The following C12orf50 variants were observed in gnomAD, a reference collection of about 807,000 sequenced individuals.
C12orf50 encodes uncharacterized protein C12orf50.
Under a neutral mutation model 61.6 loss-of-function variants are expected in C12orf50, and 35 were observed. The observed-to-expected ratio is 0.57, with a 90% CI of 0.43 to 0.75. The LOEUF (loss-of-function observed/expected upper bound fraction) is 0.75, where lower values mean the gene tolerates loss of function less well. Ranked by LOEUF, C12orf50 falls within the 30% of genes least tolerant of loss-of-function variation. The pLI, the probability that C12orf50 is intolerant of heterozygous loss-of-function variation, is 0.00. For missense variants in C12orf50, 475 were observed against 488.5 expected (o/e 0.97, Z 0.26); for synonymous variants, 178 against 161.5 (o/e 1.10, Z -0.77).
intron 3 of C12orf50, among the ~76,000 whole-genome samples, chr12:88,017,413 A>T (rs112104106): frequency 1.3e-5 from 2 of 152,182 alleles, no homozygotes; most frequent in African/African-American, 4.8e-5. Context: ...GTGGAACTGT[A>T]AGTCCATTAA....
chr12:87,998,191 C>T lies in C12orf50; in HGVS notation c.134-1G>A. 1 of 1,609,710 alleles carries T rather than the reference C, an allele frequency of 6.2e-7. No individual in the cohort carries two copies. The highest frequency in any genetic ancestry group is 1.7e-4 in the Middle Eastern group (1 of 6,040). ...TGAATTTCTTTCTGTAGTGTGATATCTGCAGAGAAAATGCAACATTTCAGT... is the reference window on the plus strand; with the variant it reads ...TGAATTTCTTTCTGTAGTGTGATATTTGCAGAGAAAATGCAACATTTCAGT... On this transcript the variant is annotated splice_acceptor_variant, in intron 3 of 12. Transcript: ENST00000298699. LOFTEE classifies it high-confidence loss of function.
chr12:87,996,660 A>AT lies in C12orf50; in HGVS notation c.290-15dup. Reference sequence around the variant, plus strand: ...AACTAGAAGCATCTATAGGATATAGATTTTTTAAATTAAATTGTCCCAAAG... The same window carrying AT: ...AACTAGAAGCATCTATAGGATATAGATTTTTTTAAATTAAATTGTCCCAAAG... On this transcript the variant is annotated splice_polypyrimidine_tract_variant and intron_variant, in intron 4 of 12. Coordinates refer to ENST00000298699, the MANE Select transcript of C12orf50 (RefSeq NM_152589.3). 2 of 1,566,658 alleles carry AT rather than the reference A, an allele frequency of 1.3e-6. No homozygotes were observed. The highest frequency in any genetic ancestry group is 1.7e-6 in the Non-Finnish European group (2 of 1,149,000).
chr12:88,014,358 G>A (rs1244412400), intron 3 of C12orf50, among the ~76,000 whole-genome samples: 1 of 152,046 alleles, frequency 6.6e-6, no homozygotes, highest in Non-Finnish European at 1.5e-5. Context: ...CTGGAGTGCA[G>A]TGGCGCGATT....
chr12:87,989,332 C>A lies in C12orf50; in HGVS notation c.632G>T (p.Gly211Val), dbSNP rs972591335. The change falls in exon 8 of 13, where the codon GGA becomes GTA. Residue 211 changes from glycine (G) to valine (V), a missense_variant. Coordinates refer to ENST00000298699, the MANE Select transcript of C12orf50 (RefSeq NM_152589.3). ...AGTTAAAGCTTCACTTTCATCGACT[C>A]CAAGAAATATGACCCTCTGTGGAAC... ...CYVPQRVIFL[G>V]VDESEALTEE... 3.7e-6 allele frequency: 6 copies of A among 1,611,808 alleles called. No homozygotes were observed. In the Admixed American group the frequency reaches 6.7e-5, roughly 18 times the overall value.
At chr12:88,006,493 T>C (rs1365205076) in intron 3 of C12orf50, among the ~76,000 whole-genome samples, 1 of 152,228 alleles carries the variant, frequency 6.6e-6, no homozygotes, top group African/African-American at 2.4e-5. Context: ...AGTCACTTAA[T>C]TCTTTTGGAG....
chr12:88,012,954 C>G (rs2032168225), intron 3 of C12orf50, among the ~76,000 whole-genome samples: 1 of 152,006 alleles, frequency 6.6e-6, no homozygotes, highest in African/African-American at 2.4e-5. Flanking sequence ...GTCCCAGCTA[C>G]TCAGGAGGCT....
intron 3 of C12orf50, among the ~76,000 whole-genome samples, chr12:87,999,291 G>A (rs953759884): frequency 7.9e-5 from 12 of 152,074 alleles, no homozygotes; most frequent in Non-Finnish European, 1.6e-4. Flanking sequence ...CAAGTGTGAT[G>A]GCGCACACCT....
chr12:87,985,967 C>T lies in C12orf50; in HGVS notation c.1009G>A (p.Val337Ile), dbSNP rs774746565. 9.3e-6 allele frequency: 15 copies of T among 1,613,684 alleles called. No homozygotes were observed. Among genetic ancestry groups the T allele is most frequent in the Admixed American group, 1.7e-5 (1 of 59,952 alleles). Residue 337 changes from valine to isoleucine, a missense_variant, in exon 11 of 13, where the codon GTT (valine) becomes ATT (isoleucine). Val to Ile is a conservative substitution (Grantham distance 29, BLOSUM62 3). Transcript: ENST00000298699. The part of the protein sequence containing the change: ...RNAENASYIH[V>I]QRDAVRTVAL... The stretch of plus-strand genomic sequence containing the variant: ...ACAGTCCTGACAGCATCTCTTTGAA[C>T]GTGGATATAGGATGCATTCTCCGCA...
intron 7 of C12orf50, 71 bp downstream of exon 7, chr12:87,994,562 A>G (rs2031294036): frequency 2.7e-6 from 3 of 1,131,072 alleles, no homozygotes; most frequent in South Asian, 2.8e-5. Flanking sequence ...AATTAGTTGT[A>G]AAAGATAAAA....
At chr12:88,026,400 C>G (rs2032708288) in intron 3 of C12orf50, 88 bp downstream of exon 3, 3 of 1,444,890 alleles carry the variant, frequency 2.1e-6, no homozygotes, top group South Asian at 1.4e-5. Flanking sequence ...CTCACCTTGT[C>G]ATACTTTTTA....
At chr12:87,985,797 C>A in intron 11 of C12orf50, 53 bp downstream of exon 11, 1 of 1,581,496 alleles carries the variant, frequency 6.3e-7, no homozygotes, top group South Asian at 1.1e-5. Context: ...CAAGAAATTC[C>A]ATGGGAATGC....
chr12:88,009,774 A>G (rs1173527577), intron 3 of C12orf50, among the ~76,000 whole-genome samples: 3 of 152,170 alleles, frequency 2.0e-5, no homozygotes, highest in Non-Finnish European at 1.5e-5. Context: ...GGAGTCACAT[A>G]AGCACACATG....
intron 5 of C12orf50, 28 bp downstream of exon 5, chr12:87,996,541 G>T: frequency 6.3e-7 from 1 of 1,595,206 alleles, no homozygotes; most frequent in Non-Finnish European, 8.6e-7. Flanking sequence ...TCAAGTATTA[G>T]AAAATACAAA....
Position 87,986,012 on chromosome 12 carries a change from G to A in C12orf50, c.964C>T (p.Arg322Cys), listed in dbSNP as rs777602623. Residue 322 changes from arginine to cysteine, a missense_variant, in exon 11 of 13, where the codon CGC becomes TGC. Transcript: ENST00000298699. ...TCCGCATTTCGATTTTTATTATTGC[G>A]GTGATAACTCATTTTATTTTGGGGT... ...PRPQNKMSYH[R>C]NNKNRNAENA... 58 of 1,613,656 alleles carry A rather than the reference G, an allele frequency of 3.6e-5. No homozygotes were observed. Among genetic ancestry groups the A allele is most frequent in the South Asian group, 3.4e-4 (31 of 91,080 alleles).
chr12:87,982,039 G>A (rs2030504841), intron 12 of C12orf50, among the ~76,000 whole-genome samples: 1 of 152,018 alleles, frequency 6.6e-6, no homozygotes, highest in African/African-American at 2.4e-5. Flanking sequence ...GGTATGGGAG[G>A]TGAGAAGGCT....
chr12:87,999,882 T>C (rs1014592154), intron 3 of C12orf50, among the ~76,000 whole-genome samples: 4 of 152,122 alleles, frequency 2.6e-5, no homozygotes, highest in African/African-American at 7.2e-5. Context: ...TGTGAGAGCA[T>C]GGATGAATTT....
intron 3 of C12orf50, among the ~76,000 whole-genome samples, chr12:88,017,809 T>C (rs1255386926): frequency 2.0e-5 from 3 of 152,174 alleles, no homozygotes; most frequent in South Asian, 2.1e-4. Context: ...CTGGCAGCAC[T>C]TTGCCCCTTC....
chr12:87,992,547 C>T (rs1374166107), intron 7 of C12orf50, among the ~76,000 whole-genome samples: 2 of 152,030 alleles, frequency 1.3e-5, no homozygotes, highest in African/African-American at 2.4e-5. Flanking sequence ...TTTACTGCTA[C>T]AATCAACATC....
chr12:88,006,590 T>C (rs894809076), intron 3 of C12orf50, among the ~76,000 whole-genome samples: 4 of 152,176 alleles, frequency 2.6e-5, no homozygotes, highest in African/African-American at 9.7e-5. Context: ...GGGACCTCTA[T>C]CCATGCTCCA....
Sources: gnomAD v4.1 joint callset for allele counts (sites outside exome capture counted in the v4.1 genomes callset) on GRCh38, gnomAD v4.1.1 for gene constraint, MANE v1.5 for transcripts, NCBI Gene and HGNC (gene_info 2026-07-23, HGNC 2026-07-21) for gene names.